DHX16: variants seen among roughly 807,000 people sequenced by gnomAD.
DHX16 encodes the protein DEAH-box helicase 16, also known as pre-mRNA-splicing factor ATP-dependent RNA helicase DHX16.
A neutral mutation model predicts 131.2 loss-of-function variants in DHX16; 81 were observed. The observed-to-expected ratio is 0.62, with a 90% CI of 0.52 to 0.74. The LOEUF is 0.74. Among genes scored for constraint, DHX16 ranks in the 30% least tolerant of loss-of-function variants. The pLI is 0.00. For missense variants in DHX16, 980 were observed against 1,363.1 expected (o/e 0.72, Z 4.43); for synonymous variants, 440 against 520.2 (o/e 0.85, Z 2.10).
In DHX16 at chr6:30,665,033, C is replaced by A; in HGVS notation, c.1125+38G>T. The stretch of plus-strand genomic sequence containing the variant: ...GAGGTGTGAGCTAAATAGCTCGCTA[C>A]GGGTCTTCCTCAGAAAGTCTCCCAG... On this transcript the variant is annotated intron_variant, in intron 6 of 19. Transcript: ENST00000376442. This position sits in a 1 kb window ranked among gnomAD's most constrained non-coding sequence, Gnocchi z 4.8. 2.5e-6 allele frequency: 4 copies of A among 1,613,726 alleles called. No individual in the cohort carries two copies. Among genetic ancestry groups the A allele is most frequent in the Non-Finnish European group, 3.4e-6 (4 of 1,179,774 alleles).
Position 30,656,695 on chromosome 6 carries a change from T to G in DHX16, c.2213A>C (p.Tyr738Ser). The G allele has an allele frequency of 2.5e-6, 4 of 1,613,682 alleles. No homozygotes were observed. Among genetic ancestry groups the G allele is most frequent in the Non-Finnish European group, 2.5e-6 (3 of 1,180,034 alleles). Residue 738 changes from tyrosine (Y) to serine (S), a missense_variant, in exon 14 of 20, where the codon TAT becomes TCT. Around this residue, in one of 3 missense-constraint regions of DHX16, gnomAD observed 309 missense variants for 537.1 expected, o/e 0.58. Coordinates refer to ENST00000376442, the MANE Select transcript of DHX16 (RefSeq NM_003587.5). This position sits in a 1 kb window ranked among gnomAD's most constrained non-coding sequence, Gnocchi z 5.1. Reference protein sequence around the residue: ...RVAAGKCFRLYTAWAYQHELE... With the variant: ...RVAAGKCFRLSTAWAYQHELE... ...CTCGTGCTGATAGGCCCAGGCGGTA[T>G]ACAGGCGGAAGCACTTCCCTGCAGC...
chr6:30,672,142 C>CTAAAAA (rs781293989), intron 1 of DHX16, among the ~76,000 whole-genome samples: 24 of 151,488 alleles, frequency 1.6e-4, no homozygotes, highest in Admixed American at 6.6e-4. Flanking sequence ...GGCCTCATCT[C>CTAAAAA]TAAAAATAAA....
rs1303187079 is a variant in DHX16 at position 30,656,473 on chromosome 6, G to C, written c.2348C>G (p.Pro783Arg). Residue 783 changes from proline (P) to arginine (R), a missense_variant, in exon 15 of 20, where the codon CCT (proline) becomes CGT (arginine). By Grantham distance (103) the Pro-to-Arg change is moderately radical. This residue lies in a region of DHX16 where 309 missense variants were observed against 537.1 expected (regional missense o/e 0.58). Transcript: ENST00000376442. This position sits in a 1 kb window ranked among gnomAD's most constrained non-coding sequence, Gnocchi z 5.1. Reference protein sequence around the residue: ...HDLMHFDFLDPPPYETLLLAL... With the variant: ...HDLMHFDFLDRPPYETLLLAL... The stretch of plus-strand genomic sequence containing the variant: ...CAGCAGCAGTGTCTCATATGGTGGA[G>C]GGTCCAGGAAATCAAAGTGCATTAG... 1 of 1,614,206 alleles carries C rather than the reference G, an allele frequency of 6.2e-7. No individual in the cohort carries two copies. Among genetic ancestry groups the C allele is most frequent in the Admixed American group, 1.7e-5 (1 of 60,016 alleles).
intron 1 of DHX16, 103 bp from the exon 2 acceptor site, chr6:30,671,377 C>T: frequency 9.0e-7 from 1 of 1,115,618 alleles, no homozygotes; most frequent in East Asian, 2.4e-5. Context: ...CTTTCCTGCC[C>T]CCGCGGCCCG....
chr6:30,671,020 C>T lies in DHX16; in HGVS notation c.446+16G>A. 1.1e-5 allele frequency: 17 copies of T among 1,613,016 alleles called. No individual in the cohort carries two copies. Among genetic ancestry groups the T allele is most frequent in the Non-Finnish European group, 1.4e-5 (17 of 1,179,962 alleles). ...TTCAGCCTGCCCCATCCTCTCTCAC[C>T]CTGCTTCTGACTTACCCTGTTTTCT... On this transcript the variant is annotated intron_variant, in intron 2 of 19. Transcript: ENST00000376442.
At chr6:30,661,434 G>C (rs1167092171) in intron 9 of DHX16, among the ~76,000 whole-genome samples, 2 of 152,206 alleles carry the variant, frequency 1.3e-5, no homozygotes, top group Non-Finnish European at 2.9e-5. Flanking sequence ...TTTCAATAAG[G>C]GTGGGCCAGC....
Position 30,665,808 on chromosome 6 carries a change from G to GA in DHX16, c.667-76dup, listed in dbSNP as rs1768995073. On this transcript the variant is annotated intron_variant, in intron 4 of 19. Coordinates refer to ENST00000376442, the MANE Select transcript of DHX16 (RefSeq NM_003587.5). This position sits in a 1 kb window ranked among gnomAD's most constrained non-coding sequence, Gnocchi z 4.8. ...CCTTTCTCTACCAATCCCTACAAGGGAAAAATCCCCTGACAGGCAGGCATG... is the reference window on the plus strand; with the variant it reads ...CCTTTCTCTACCAATCCCTACAAGGGAAAAAATCCCCTGACAGGCAGGCATG... 3 of 1,531,488 alleles carry GA rather than the reference G, an allele frequency of 2.0e-6. No individual in the cohort carries two copies. The highest frequency in any genetic ancestry group is 2.6e-6 in the Non-Finnish European group (3 of 1,145,770). The allele number at this position is 1,531,488 out of a possible 1,614,324, so 94.9% of individuals were successfully genotyped here.
rs1446997292 is a variant in DHX16 at position 30,672,739 on chromosome 6, G to T, written c.103C>A (p.Gln35Lys). 1 of 1,612,934 alleles carries T rather than the reference G, an allele frequency of 6.2e-7. No homozygotes were observed. Among genetic ancestry groups the T allele is most frequent in the African/African-American group, 1.3e-5 (1 of 74,928 alleles). The change falls in exon 1 of 20, where the codon CAG (glutamine) becomes AAG (lysine). Residue 35 changes from glutamine (Q) to lysine (K), a missense_variant. This residue lies in a region of DHX16 where 457 missense variants were observed against 554.8 expected (regional missense o/e 0.82). Coordinates refer to ENST00000376442, the MANE Select transcript of DHX16 (RefSeq NM_003587.5). ...HVAQFLIGTA[Q>K]RCTSAEEFVQ... ...AACTCCTCGGCAGAGGTGCAGCGCT[G>T]TGCGGTACCGATCAGAAACTGGGCG...
chr6:30,670,786 T>C lies in DHX16; in HGVS notation c.609+4A>G. 1.2e-6 allele frequency: 2 copies of C among 1,612,912 alleles called. No homozygotes were observed. The highest frequency in any genetic ancestry group is 1.3e-5 in the African/African-American group (1 of 75,034). On this transcript the variant is annotated splice_donor_region_variant and intron_variant, in intron 3 of 19. Coordinates refer to ENST00000376442, the MANE Select transcript of DHX16 (RefSeq NM_003587.5). This position sits in a 1 kb window ranked among gnomAD's most constrained non-coding sequence, Gnocchi z 4.4. ...GATTTACAGAACATGCTGCTCCTAT[T>C]CACCTTCTTGTCTGACCGTTCCAGG...
At position 30,672,637 on chromosome 6, in the gene DHX16, T is replaced by A. The variant is rs536316212; in HGVS notation, c.205A>T (p.Lys69Ter). The stretch of plus-strand genomic sequence containing the variant: ...CCCCTCCCCACCCCTGCCGACACCT[T>A]GTTCCAGAGTCTCAGGGCGAAGTCC... ...ARDFALRLWNKVPRKAVVEKP... is the reference protein window; with the variant it reads ...ARDFALRLWN The change falls in exon 1 of 20, where the codon AAG becomes TAG. Residue 69 changes from lysine to a stop codon, truncating the protein, a stop_gained and splice_region_variant. Transcript: ENST00000376442. LOFTEE classifies it high-confidence loss of function. 1 of 1,608,314 alleles carries A rather than the reference T, an allele frequency of 6.2e-7. No homozygotes were observed. The highest frequency in any genetic ancestry group is 1.1e-5 in the South Asian group (1 of 90,998).
In DHX16 at chr6:30,656,673, G is replaced by C. The variant is rs764473817; in HGVS notation, c.2235C>G (p.His745Gln). ...CAGGCACTGTGGTTTCCTCAAGCTC[G>C]TGCTGATAGGCCCAGGCGGTATACA... The part of the protein sequence containing the change: ...FRLYTAWAYQ[H>Q]ELEETTVPEI... Residue 745 changes from histidine (H) to glutamine (Q), a missense_variant, in exon 14 of 20, where the codon CAC (histidine) becomes CAG (glutamine). His to Gln is a conservative substitution (Grantham distance 24). Around this residue, in one of 3 missense-constraint regions of DHX16, gnomAD observed 309 missense variants for 537.1 expected, o/e 0.58. Coordinates refer to ENST00000376442, the MANE Select transcript of DHX16 (RefSeq NM_003587.5). The surrounding 1 kb of genome is among the most constrained non-coding windows in gnomAD (Gnocchi z 5.1). The C allele has an allele frequency of 6.2e-7, 1 of 1,613,966 alleles. No individual in the cohort carries two copies.
chr6:30,658,806 TCAC>T (rs911409638), intron 12 of DHX16, among the ~76,000 whole-genome samples: 1 of 152,112 alleles, frequency 6.6e-6, no homozygotes, highest in Non-Finnish European at 1.5e-5. Flanking sequence ...TCCTACTCCT[TCAC>T]CACATGAACC....
chr6:30,672,853 C>T lies in DHX16; in HGVS notation c.-12G>A. ...GCCGGCGTCGCCATGGCGACTCACG[C>T]TCCCTGCTCCCGGCCCTGAAGCGTC... is the stretch of plus-strand genomic sequence containing the variant. On this transcript the variant is annotated 5_prime_UTR_variant, in exon 1 of 20. Transcript: ENST00000376442. 1 of 1,611,970 alleles carries T rather than the reference C, an allele frequency of 6.2e-7. No homozygotes were observed. The highest frequency in any genetic ancestry group is 8.5e-7 in the Non-Finnish European group (1 of 1,179,164).
At chr6:30,657,768 G>C (rs1768121772) in intron 12 of DHX16, among the ~76,000 whole-genome samples, 1 of 152,002 alleles carries the variant, frequency 6.6e-6, no homozygotes, top group African/African-American at 2.4e-5. Flanking sequence ...CACCTGGTTT[G>C]GGTCTCTATT....
rs536429593 is a variant in DHX16 at position 30,665,445 on chromosome 6, G to T, written c.921+34C>A. 1 of 1,599,954 alleles carries T rather than the reference G, an allele frequency of 6.3e-7. No homozygotes were observed. The highest frequency in any genetic ancestry group is 1.7e-5 in the Admixed American group (1 of 59,106). On this transcript the variant is annotated intron_variant, in intron 5 of 19. Transcript: ENST00000376442. The surrounding 1 kb of genome is among the most constrained non-coding windows in gnomAD (Gnocchi z 4.8). ...AGCCTTCCCCACAACTTGTCTTGGG[G>T]ACCAAGGCTGAAGCAGACGCCGCTT...
chr6:30,657,097 G>A lies in DHX16; in HGVS notation c.2008-5C>T. 2 of 1,611,816 alleles carry A rather than the reference G, an allele frequency of 1.2e-6. No homozygotes were observed. The highest frequency in any genetic ancestry group is 1.7e-6 in the Non-Finnish European group (2 of 1,179,292). ...AATGTTCGTTGCCACAACCACCTGA[G>A]TGATAGGATATGGGGTCACCCAGTG... On this transcript the variant is annotated splice_region_variant and splice_polypyrimidine_tract_variant and intron_variant, in intron 12 of 19. Coordinates refer to ENST00000376442, the MANE Select transcript of DHX16 (RefSeq NM_003587.5).
At position 30,665,594 on chromosome 6, in the gene DHX16, T is replaced by G; in HGVS notation, c.806A>C (p.Glu269Ala). The stretch of plus-strand genomic sequence containing the variant: ...CCGCACTCGCCGCTTATATTTGAGC[T>G]CCTGCCGCTCGTGCCGGCTCAGCTC... Reference protein sequence around the residue: ...DVELSRHERQELKYKRRVRDL... With the variant: ...DVELSRHERQALKYKRRVRDL... Residue 269 changes from glutamate to alanine, a missense_variant, in exon 5 of 20, where the codon GAG becomes GCG. Coordinates refer to ENST00000376442, the MANE Select transcript of DHX16 (RefSeq NM_003587.5). The surrounding 1 kb of genome is among the most constrained non-coding windows in gnomAD (Gnocchi z 4.8). 1 of 1,612,962 alleles carries G rather than the reference T, an allele frequency of 6.2e-7. No homozygotes were observed. Among genetic ancestry groups the G allele is most frequent in the Non-Finnish European group, 8.5e-7 (1 of 1,180,016 alleles).
chr6:30,671,404 A>G (rs1769540260), intron 1 of DHX16, 130 bp from the exon 2 acceptor site: 1 of 841,856 alleles, frequency 1.2e-6, no homozygotes, highest in Non-Finnish European at 1.9e-6. Context: ...CTGTCAGGCA[A>G]TGGCGTGATC....
In DHX16 at chr6:30,659,721, C is replaced by T. The variant is rs750874254; in HGVS notation, c.1854+15G>A. Reference sequence around the variant, plus strand: ...CCTGGGATACATCATCCCCTCTCCCCACCATGTCAGGCACCTGTCCTGTCA... The same window carrying T: ...CCTGGGATACATCATCCCCTCTCCCTACCATGTCAGGCACCTGTCCTGTCA... On this transcript the variant is annotated intron_variant, in intron 11 of 19. Transcript: ENST00000376442. 2 of 1,613,526 alleles carry T rather than the reference C, an allele frequency of 1.2e-6. No individual in the cohort carries two copies. The highest frequency in any genetic ancestry group is 2.7e-5 in the African/African-American group (2 of 74,894).
Sources: allele counts gnomAD v4.1 joint callset (sites outside exome capture counted in the v4.1 genomes callset), GRCh38; gene constraint gnomAD v4.1.1; regional missense constraint gnomAD v4.1.1; non-coding constraint Gnocchi (gnomAD v3.1); transcripts MANE v1.5; gene names NCBI Gene and HGNC (gene_info 2026-07-23, HGNC 2026-07-21).